Variants in RALGPS2 observed in about 807,000 individuals in gnomAD.
The protein encoded by RALGPS2 is ras-specific guanine nucleotide-releasing factor RalGPS2.
In RALGPS2, 43 loss-of-function variants were observed where a neutral mutation model predicts 86.8. The observed-to-expected ratio is 0.50, with a 90% CI of 0.39 to 0.64. The LOEUF (loss-of-function observed/expected upper bound fraction) is 0.64, where lower values mean the gene tolerates loss of function less well. Among genes scored for constraint, RALGPS2 ranks in the 30% least tolerant of loss-of-function variants. The probability of loss-of-function intolerance (pLI) is 0.00; values close to 1 mark genes in which losing one functional copy is unlikely to be tolerated. For synonymous variants in RALGPS2, 243 were observed against 231.3 expected, an observed-to-expected ratio of 1.05 and a Z score of -0.46; for missense variants, 536 against 694.6, an observed-to-expected ratio of 0.77 and a Z score of 2.57.
At chr1:178,888,542 A>G (rs1457863204) in intron 13 of RALGPS2, among the ~76,000 whole-genome samples, 1 of 152,180 alleles carries the variant, frequency 6.6e-6, no homozygotes, top group African/African-American at 2.4e-5. Context: ...TTCTACAAAT[A>G]AGTTATCCTA....
intron 8 of RALGPS2, chr1:178,853,166 C>T: frequency 1.0e-6 from 1 of 985,294 alleles, no homozygotes; most frequent in African/African-American, 1.7e-5. Context: ...TGTCAGTATT[C>T]ATTTGCATAG....
chr1:178,882,022 G>A (rs1364589974), intron 10 of RALGPS2, among the ~76,000 whole-genome samples: 1 of 152,104 alleles, frequency 6.6e-6, no homozygotes, highest in South Asian at 2.1e-4. Context: ...ATTCTTCTGG[G>A]TGATTTTATT....
chr1:178,825,060 A>G (rs1572370428), intron 7 of RALGPS2, among the ~76,000 whole-genome samples: 1 of 152,252 alleles, frequency 6.6e-6, no homozygotes, highest in East Asian at 1.9e-4. Context: ...GTTAACTAAG[A>G]AAACGTAATA....
intron 1 of RALGPS2, 63 bp from the exon 2 acceptor site, chr1:178,776,619 G>A (rs188236577): frequency 4.3e-4 from 227 of 530,088 alleles, no homozygotes; most frequent in African/African-American, 3.8e-3. Flanking sequence ...ATGGTGGTAG[G>A]CATAGAGTTG....
intron 1 of RALGPS2, among the ~76,000 whole-genome samples, chr1:178,733,916 A>T (rs1207335017): frequency 1.3e-5 from 2 of 152,244 alleles, no homozygotes; most frequent in African/African-American, 4.8e-5. Context: ...AAAGGATGCC[A>T]TCAAGAATGT....
chr1:178,899,222 A>G (rs2102401943), intron 17 of RALGPS2, among the ~76,000 whole-genome samples: 1 of 152,042 alleles, frequency 6.6e-6, no homozygotes, highest in Admixed American at 6.6e-5. Flanking sequence ...TAAAGTTACT[A>G]GTATATTATA....
Position 178,805,071 on chromosome 1 carries a change from GTCT to G in RALGPS2, c.214-2969_214-2967del, listed in dbSNP as rs1275517376. Among the ~76,000 whole-genome samples the G allele has an allele frequency of 4.6e-5, 7 of 151,790 alleles. No homozygotes were observed. In the East Asian group the frequency reaches 1.4e-3, roughly 29 times the overall value. ...TCATGTGTTTTTTGGCTGCATAAATGTCTTCTTTTGAGAAGTGTCTGTTCATGT... is the reference window on the plus strand; with the variant it reads ...TCATGTGTTTTTTGGCTGCATAAATGTCTTTTGAGAAGTGTCTGTTCATGT... On this transcript the variant is annotated intron_variant, in intron 4 of 19. Coordinates refer to ENST00000367635, the MANE Select transcript of RALGPS2 (RefSeq NM_152663.5).
chr1:178,798,415 T>A (rs958670078), intron 4 of RALGPS2, among the ~76,000 whole-genome samples: 4 of 152,176 alleles, frequency 2.6e-5, no homozygotes, highest in African/African-American at 9.7e-5. Flanking sequence ...AAATGTGATC[T>A]CTCACTGTGT....
intron 1 of RALGPS2, among the ~76,000 whole-genome samples, chr1:178,728,451 C>CTTTT (rs1346639321): frequency 1.6e-5 from 2 of 123,176 alleles, no homozygotes; most frequent in African/African-American, 6.1e-5. Flanking sequence ...TTTGGGTTTA[C>CTTTT]TTTTAATTTT....
chr1:178,813,865 A>G lies in RALGPS2; in HGVS notation c.387+2461A>G, dbSNP rs559215488. 2.4e-4 allele frequency among the ~76,000 whole-genome samples: 37 copies of G among 152,354 alleles called. No homozygotes were observed. The South Asian group carries it at 5.8e-3, about 24-fold the overall frequency. On this transcript the variant is annotated intron_variant, in intron 6 of 19. Transcript: ENST00000367635. ...TTTGTAGATGTTAACCGCATCTACA[A>G]AATATCTTCATGACAACACCTAGAT...
chr1:178,844,122 C>T (rs768739368), intron 8 of RALGPS2, among the ~76,000 whole-genome samples: 39 of 152,126 alleles, frequency 2.6e-4, no homozygotes, highest in Non-Finnish European at 4.0e-4. Context: ...AAAGGTAAAA[C>T]TCATTATGCA....
intron 2 of RALGPS2, among the ~76,000 whole-genome samples, chr1:178,780,252 T>C (rs1430207961): frequency 6.6e-6 from 1 of 152,176 alleles, no homozygotes; most frequent in African/African-American, 2.4e-5. Context: ...TAGAGATCTT[T>C]AGCAGCTATC....
chr1:178,920,339 G>A lies in RALGPS2; in HGVS notation c.*3980G>A, dbSNP rs1280231757. 1 of 151,946 alleles carries A rather than the reference G, an allele frequency of 6.6e-6. No individual in the cohort carries two copies. Among genetic ancestry groups the A allele is most frequent in the Non-Finnish European group, 1.5e-5 (1 of 67,874 alleles). 9.4% of individuals were successfully genotyped at this position (151,946 alleles called of 1,614,324 possible). A position where few individuals can be genotyped will look rare whatever the true frequency, so the allele number is the denominator to read the frequency against. ...TTGAAAGCAATTTGATTACACCTAT[G>A]TTTCAGGTTATAGTGGGGAGAAAAT... On this transcript the variant is annotated 3_prime_UTR_variant, in exon 20 of 20. Coordinates refer to ENST00000367635, the MANE Select transcript of RALGPS2 (RefSeq NM_152663.5).
At chr1:178,777,916 G>A (rs1377874377) in intron 2 of RALGPS2, among the ~76,000 whole-genome samples, 8 of 140,902 alleles carry the variant, frequency 5.7e-5, no homozygotes, top group East Asian at 2.1e-4. Flanking sequence ...AGACTTAAAC[G>A]TTAGACCTAA....
chr1:178,881,910 G>A (rs1659271409), intron 10 of RALGPS2, among the ~76,000 whole-genome samples: 1 of 152,108 alleles, frequency 6.6e-6, no homozygotes, highest in Non-Finnish European at 1.5e-5. Flanking sequence ...TTTGTAAATA[G>A]AAATGGCATG....
chr1:178,886,225 A>T (rs554275871), intron 13 of RALGPS2, 105 bp downstream of exon 13: 34 of 1,202,620 alleles, frequency 2.8e-5, no homozygotes, highest in Non-Finnish European at 3.8e-5. Context: ...AAATTTGGTT[A>T]AAAAAACAAA....
chr1:178,733,034 GCTTT>G (rs1339280096), intron 1 of RALGPS2, among the ~76,000 whole-genome samples: 1 of 152,088 alleles, frequency 6.6e-6, no homozygotes, highest in African/African-American at 2.4e-5. Context: ...CAGTTGTAAA[GCTTT>G]CTTTTTTTTC....
chr1:178,879,000 G>A lies in RALGPS2; in HGVS notation c.836+8G>A, dbSNP rs1392098878. 6.2e-7 allele frequency: 1 copy of A among 1,611,502 alleles called. No homozygotes were observed. The highest frequency in any genetic ancestry group is 1.7e-5 in the Admixed American group (1 of 59,682). On this transcript the variant is annotated splice_region_variant and intron_variant, in intron 10 of 19. Transcript: ENST00000367635. ...GGAAGACGATAATTACAAGTAGGTT[G>A]GATCTTCAAAAGTGGTTTGTATAAC...
chr1:178,821,159 A>G (rs538616530), intron 6 of RALGPS2, among the ~76,000 whole-genome samples: 237 of 152,316 alleles, frequency 1.6e-3, no homozygotes, highest in Non-Finnish European at 2.8e-3. Context: ...TGTGAAAGGC[A>G]GGTTTCTCCC....
Sources: gnomAD v4.1 joint callset for allele counts (sites outside exome capture counted in the v4.1 genomes callset) on GRCh38, gnomAD v4.1.1 for gene constraint, MANE v1.5 for transcripts, NCBI Gene and HGNC (gene_info 2026-07-23, HGNC 2026-07-21) for gene names.